Variants in WDR11 observed in about 807,000 individuals in gnomAD.
The protein encoded by WDR11 is WD repeat-containing protein 11.
A neutral mutation model predicts 151.2 loss-of-function variants in WDR11; 83 were observed. That is an observed-to-expected ratio of 0.55 (90% CI 0.46 to 0.66). The LOEUF is 0.66. Among genes scored for constraint, WDR11 ranks in the 30% least tolerant of loss-of-function variants. WDR11 has a pLI of 0.00. For missense variants in WDR11, 1,301 were observed against 1,480.9 expected, an observed-to-expected ratio of 0.88 and a Z score of 1.99; for synonymous variants, 484 against 533.1, an observed-to-expected ratio of 0.91 and a Z score of 1.27.
At chr10:120,906,125 A>C in intron 27 of WDR11, 104 bp downstream of exon 27, 3 of 1,598,826 alleles carry the variant, frequency 1.9e-6, no homozygotes, top group Non-Finnish European at 2.6e-6. Context: ...GTAAAGTGAA[A>C]GGAGAAGTAT....
intron 22 of WDR11, 45 bp from the exon 23 acceptor site, chr10:120,903,010 C>T: frequency 6.2e-7 from 1 of 1,603,182 alleles, no homozygotes; most frequent in South Asian, 1.1e-5. Context: ...GCCATCCAGG[C>T]CAGGTGTGCT....
At chr10:120,871,078 C>A in intron 9 of WDR11, 92 bp from the exon 10 acceptor site, 2 of 1,302,608 alleles carry the variant, frequency 1.5e-6, no homozygotes, top group Non-Finnish European at 2.2e-6. Context: ...TACTTTTAGA[C>A]CTGAAGAGCA....
In WDR11 at chr10:120,871,751, T is replaced by G. The variant is rs148913920; in HGVS notation, c.1471+405T>G. On this transcript the variant is annotated intron_variant, in intron 10 of 28. Coordinates refer to ENST00000263461, the MANE Select transcript of WDR11 (RefSeq NM_018117.12). ...ATAGTCAGGGTTAATAGCTTAATAATAGCAGGGTTCTTCTTTTGCCAAGAG... is the reference window on the plus strand; with the variant it reads ...ATAGTCAGGGTTAATAGCTTAATAAGAGCAGGGTTCTTCTTTTGCCAAGAG... Among the ~76,000 whole-genome samples the G allele has an allele frequency of 3.7e-3, 568 of 152,288 alleles. 4 individuals are homozygous for G. The highest frequency in any genetic ancestry group is 0.012 in the African/African-American group (501 of 41,558).
rs1024756945 is a variant in WDR11, at chr10:120,908,375, C to T, written c.3518-181C>T. 3.8e-5 allele frequency: 25 copies of T among 655,780 alleles called. No homozygotes were observed. In the East Asian group the frequency reaches 5.3e-4, roughly 14 times the overall value. 40.6% of individuals were successfully genotyped at this position (655,780 alleles called of 1,614,324 possible). On this transcript the variant is annotated intron_variant, in intron 28 of 28. Coordinates refer to ENST00000263461, the MANE Select transcript of WDR11 (RefSeq NM_018117.12). Reference sequence around the variant, plus strand: ...AGACTGAGACATGGCCTACTATGGCCGGGAATCACCCTCTGCCCGCGAAAA... The same window carrying T: ...AGACTGAGACATGGCCTACTATGGCTGGGAATCACCCTCTGCCCGCGAAAA...
chr10:120,887,766 A>G (rs2133788229), intron 16 of WDR11, among the ~76,000 whole-genome samples: 1 of 152,334 alleles, frequency 6.6e-6, no homozygotes, highest in Non-Finnish European at 1.5e-5. Flanking sequence ...GGCCTCCCCT[A>G]GAGTAAGTGA....
intron 19 of WDR11, among the ~76,000 whole-genome samples, chr10:120,894,564 T>C (rs1490738054): frequency 1.3e-5 from 2 of 152,204 alleles, no homozygotes; most frequent in East Asian, 1.9e-4. Flanking sequence ...TCACAAAATA[T>C]GGTCCTTTCC....
chr10:120,865,628 AG>A lies in WDR11; in HGVS notation c.880del. The A allele has an allele frequency of 6.3e-7, 1 of 1,587,970 alleles. No individual in the cohort carries two copies. The highest frequency in any genetic ancestry group is 1.1e-5 in the South Asian group (1 of 89,802). On this transcript the variant is annotated splice_acceptor_variant, in intron 6 of 28. Coordinates refer to ENST00000263461, the MANE Select transcript of WDR11 (RefSeq NM_018117.12). LOFTEE classifies it high-confidence loss of function. ...AAAAATAAATATATCATCTATTTAA[AG>A]GTAATACCCTGCTTTCAGCGTGATG...
chr10:120,854,626 G>T (rs562102131), intron 2 of WDR11, among the ~76,000 whole-genome samples: 1 of 152,266 alleles, frequency 6.6e-6, no homozygotes, highest in African/African-American at 2.4e-5. Flanking sequence ...TGTATGAGGA[G>T]TCTAATTTGT....
intron 9 of WDR11, 65 bp downstream of exon 9, chr10:120,867,234 C>T: frequency 8.8e-7 from 1 of 1,130,972 alleles, no homozygotes; most frequent in Non-Finnish European, 1.3e-6. Flanking sequence ...TTAATAGAAT[C>T]ACTCACTTGT....
At chr10:120,885,694 G>C in intron 14 of WDR11, 120 bp from the exon 15 acceptor site, 1 of 1,266,118 alleles carries the variant, frequency 7.9e-7, no homozygotes, top group South Asian at 1.2e-5. Flanking sequence ...AACAAATGTG[G>C]ATTCATGTGT....
Position 120,882,124 on chromosome 10 carries a change from TTTTG to T in WDR11, c.1739+1227_1739+1230del, listed in dbSNP as rs372245147. Among the ~76,000 whole-genome samples the T allele has an allele frequency of 1.8e-4, 27 of 152,218 alleles. 1 individual carries two copies. In the South Asian group the frequency reaches 5.4e-3, roughly 30 times the overall value. ...ATCATCATATGGTGTGTGTGTGTTA[TTTTG>T]TTTTTCTTTTTGAAGTTCACTAATA... is the stretch of plus-strand genomic sequence containing the variant. On this transcript the variant is annotated intron_variant, in intron 13 of 28. Transcript: ENST00000263461.
At chr10:120,894,990 G>T (rs546184158) in intron 19 of WDR11, among the ~76,000 whole-genome samples, 1 of 152,214 alleles carries the variant, frequency 6.6e-6, no homozygotes, top group Admixed American at 6.5e-5. Context: ...ACAATATTTT[G>T]CTTTTGGAGA....
At position 120,908,893 on chromosome 10, in the gene WDR11, G is replaced by A. The variant is rs1400830155; in HGVS notation, c.*180G>A. On this transcript the variant is annotated 3_prime_UTR_variant, in exon 29 of 29. Coordinates refer to ENST00000263461, the MANE Select transcript of WDR11 (RefSeq NM_018117.12). ...AAGCATCTATGTTGAGAGTAAGTTT[G>A]TATCCTGCGTTGGTCTCAGAAAGAA... The A allele has an allele frequency of 3.0e-6, 2 of 666,994 alleles. No homozygotes were observed. The highest frequency in any genetic ancestry group is 2.7e-5 in the East Asian group (1 of 36,648). 41.3% of individuals were successfully genotyped at this position (666,994 alleles called of 1,614,324 possible). A position where few individuals can be genotyped will look rare whatever the true frequency, so the allele number is the denominator to read the frequency against.
At chr10:120,862,556 T>A in intron 4 of WDR11, 179 bp from the exon 5 acceptor site, 1 of 643,706 alleles carries the variant, frequency 1.6e-6, no homozygotes, top group Non-Finnish European at 2.7e-6. Flanking sequence ...TGATGAATTG[T>A]AATGGACCAC....
chr10:120,864,416 A>G (rs569542870), intron 5 of WDR11, among the ~76,000 whole-genome samples: 11 of 152,346 alleles, frequency 7.2e-5, no homozygotes, highest in African/African-American at 2.6e-4. Context: ...AATGTATGCA[A>G]CAATCACAAA....
intron 3 of WDR11, among the ~76,000 whole-genome samples, 188 bp downstream of exon 3, chr10:120,858,984 T>G (rs1349104366): frequency 6.6e-6 from 1 of 152,216 alleles, no homozygotes; most frequent in Non-Finnish European, 1.5e-5. Flanking sequence ...CTAGGCATAT[T>G]TCTTCAAATC....
intron 2 of WDR11, among the ~76,000 whole-genome samples, chr10:120,855,853 C>T (rs917683251): frequency 1.3e-5 from 2 of 152,096 alleles, no homozygotes; most frequent in African/African-American, 4.8e-5. Context: ...TTCTATTTTT[C>T]TTGCCATGTT....
chr10:120,875,940 A>G (rs1846760120), intron 11 of WDR11, among the ~76,000 whole-genome samples: 4 of 150,216 alleles, frequency 2.7e-5, no homozygotes, highest in African/African-American at 9.8e-5. Flanking sequence ...TCCTGAGTAC[A>G]TGCATTTTCT....
At chr10:120,906,169 A>C in intron 27 of WDR11, 148 bp downstream of exon 27, 1 of 1,537,998 alleles carries the variant, frequency 6.5e-7, no homozygotes, top group East Asian at 2.4e-5. Context: ...CCAAAGGAGA[A>C]TGGAACTGTC....
Sources: gnomAD v4.1 joint callset for allele counts (sites outside exome capture counted in the v4.1 genomes callset) on GRCh38, gnomAD v4.1.1 for gene constraint, MANE v1.5 for transcripts, NCBI Gene and HGNC (gene_info 2026-07-23, HGNC 2026-07-21) for gene names.